Variants in NTNG1 observed in about 807,000 individuals in gnomAD.
NTNG1 encodes netrin G1.
NTNG1 carries 16 observed loss-of-function variants against 54.0 expected under a neutral mutation model. The ratio of observed to expected loss-of-function variants is 0.30; its 90% CI spans 0.20 to 0.45. The LOEUF (loss-of-function observed/expected upper bound fraction) is 0.45, where lower values mean the gene tolerates loss of function less well. Among genes scored for constraint, NTNG1 ranks in the 20% least tolerant of loss-of-function variants. The probability of loss-of-function intolerance (pLI) is 1.00; values close to 1 mark genes in which losing one functional copy is unlikely to be tolerated. For synonymous variants in NTNG1, 255 were observed against 263.1 expected, an observed-to-expected ratio of 0.97 and a Z score of 0.30; for missense variants, 530 against 678.7, an observed-to-expected ratio of 0.78 and a Z score of 2.43.
At chr1:107,409,441 C>T (rs1481664725) in intron 5 of NTNG1, 1 of 152,144 alleles carries the variant, frequency 6.6e-6, no homozygotes. Flanking sequence ...GCTCACTCGA[C>T]ATCCCATTCG....
intron 2 of NTNG1, among the ~76,000 whole-genome samples, chr1:107,180,906 A>T (rs1387306536): frequency 6.6e-6 from 1 of 152,172 alleles, no homozygotes; most frequent in African/African-American, 2.4e-5. Flanking sequence ...TATAGCAGGG[A>T]ATTTACAACA....
chr1:107,239,962 G>A (rs1294863875), intron 2 of NTNG1, among the ~76,000 whole-genome samples: 1 of 152,138 alleles, frequency 6.6e-6, no homozygotes, highest in Admixed American at 6.5e-5. Flanking sequence ...CAGATCATCA[G>A]TTACACTAGT....
At chr1:107,343,994 T>C (rs1669073779) in intron 3 of NTNG1, among the ~76,000 whole-genome samples, 1 of 152,000 alleles carries the variant, frequency 6.6e-6, no homozygotes, top group Admixed American at 6.6e-5. Context: ...AATACTGAAT[T>C]GGATTCCAAC....
intron 3 of NTNG1, among the ~76,000 whole-genome samples, chr1:107,392,498 G>T (rs1308850261): frequency 1.3e-5 from 2 of 152,072 alleles, no homozygotes; most frequent in Non-Finnish European, 2.9e-5. Context: ...CTGAAAACGA[G>T]CTTGGGTATC....
Position 107,428,559 on chromosome 1 carries a change from TAA to T in NTNG1, c.1088-2190_1088-2189del, listed in dbSNP as rs1292283962. Among the ~76,000 whole-genome samples the T allele has an allele frequency of 3.3e-5, 5 of 152,132 alleles. No individual in the cohort carries two copies. In the East Asian group the frequency reaches 7.8e-4, roughly 24 times the overall value. ...AGGGAACATGAAGAAGAACAGCCAA[TAA>T]GAGACCTCTTCCAGAGGAGGCGACC... On this transcript the variant is annotated intron_variant, in intron 5 of 7. Transcript: ENST00000370068.
At chr1:107,415,062 C>CATACTACA (rs1674106626) in intron 5 of NTNG1, among the ~76,000 whole-genome samples, 1 of 152,010 alleles carries the variant, frequency 6.6e-6, no homozygotes, top group Admixed American at 6.6e-5. Context: ...TTTTGGTCTC[C>CATACTACA]ATACTACATA....
Position 107,190,994 on chromosome 1 carries a change from G to A in NTNG1, c.246+42155G>A, listed in dbSNP as rs1434427064. On this transcript the variant is annotated intron_variant, in intron 2 of 7. Transcript: ENST00000370068. ...ATTTCTAGTTCTAGATCCCTGAGGA[G>A]TCACCACACTGACTTCCACAATGGT... Among the ~76,000 whole-genome samples, 5 of 151,970 alleles carry A rather than the reference G, an allele frequency of 3.3e-5. No individual in the cohort carries two copies. In the South Asian group the frequency reaches 1.0e-3, roughly 32 times the overall value.
At chr1:107,285,859 G>C (rs1665160364) in intron 2 of NTNG1, among the ~76,000 whole-genome samples, 1 of 152,068 alleles carries the variant, frequency 6.6e-6, no homozygotes, top group African/African-American at 2.4e-5. Context: ...GGGGAAAAGA[G>C]CCTTCATTTG....
intron 2 of NTNG1, among the ~76,000 whole-genome samples, chr1:107,283,118 C>T (rs967587649): frequency 5.9e-5 from 9 of 152,106 alleles, no homozygotes; most frequent in South Asian, 4.1e-4. Context: ...GGGACACAAA[C>T]TTTCAGACCC....
chr1:107,260,319 T>C (rs945363596), intron 2 of NTNG1, among the ~76,000 whole-genome samples: 4 of 152,186 alleles, frequency 2.6e-5, no homozygotes, highest in Non-Finnish European at 4.4e-5. Flanking sequence ...ATGATCCTCT[T>C]CTCGCTGGCT....
rs145496970 is a variant in NTNG1, at chr1:107,465,899, G to A, written c.1391-14712G>A. ...ATTCAATTAGATAACAGATGTAAAT[G>A]TTTCTGGCCTTTTAATTATAACGTG... On this transcript the variant is annotated intron_variant, in intron 7 of 7. Coordinates refer to ENST00000370068, the MANE Select transcript of NTNG1 (RefSeq NM_001113226.3). Among the ~76,000 whole-genome samples, 21 of 152,298 alleles carry A rather than the reference G, an allele frequency of 1.4e-4. 1 individual carries two copies. The highest frequency in any genetic ancestry group is 3.4e-4 in the African/African-American group (14 of 41,570).
intron 6 of NTNG1, among the ~76,000 whole-genome samples, chr1:107,431,456 T>C (rs1675260773): frequency 6.6e-6 from 1 of 152,132 alleles, no homozygotes; most frequent in Non-Finnish European, 1.5e-5. Context: ...GCAATGAAAT[T>C]CCATTTATTG....
At chr1:107,444,792 G>T (rs1468848127) in intron 7 of NTNG1, among the ~76,000 whole-genome samples, 1 of 152,094 alleles carries the variant, frequency 6.6e-6, no homozygotes, top group Non-Finnish European at 1.5e-5. Flanking sequence ...TCTGCTAGCA[G>T]CCGAGAATCA....
chr1:107,457,994 A>G (rs1016986727), intron 7 of NTNG1, among the ~76,000 whole-genome samples: 1 of 152,146 alleles, frequency 6.6e-6, no homozygotes. Flanking sequence ...TTAGAGAAAA[A>G]GGCTGTTTCC....
intron 4 of NTNG1, among the ~76,000 whole-genome samples, chr1:107,397,806 A>G (rs965528279): frequency 2.0e-5 from 3 of 151,466 alleles, no homozygotes; most frequent in African/African-American, 7.3e-5. Context: ...CAGATTAACC[A>G]TTATCGACTC....
Position 107,430,832 on chromosome 1 carries a change from C to G in NTNG1, c.1170C>G (p.Asn390Lys). ...NTVICVSCKH[N>K]TRGQHCELCR... Reference sequence around the variant, plus strand: ...TCATTTGCGTGAGCTGTAAACACAACACTAGAGGGCAGCACTGTGAGTTAT... The same window carrying G: ...TCATTTGCGTGAGCTGTAAACACAAGACTAGAGGGCAGCACTGTGAGTTAT... The change falls in exon 6 of 8, where the codon AAC becomes AAG. Residue 390 changes from asparagine to lysine, a missense_variant. By Grantham distance (94) the Asn-to-Lys change is moderately conservative (BLOSUM62 0). Transcript: ENST00000370068. 1 of 1,613,276 alleles carries G rather than the reference C, an allele frequency of 6.2e-7. No individual in the cohort carries two copies.
intron 2 of NTNG1, among the ~76,000 whole-genome samples, chr1:107,288,176 G>C (rs1665324857): frequency 1.3e-5 from 2 of 152,078 alleles, no homozygotes; most frequent in Admixed American, 1.3e-4. Context: ...CAACAGGGTG[G>C]GATAACTGAT....
intron 2 of NTNG1, among the ~76,000 whole-genome samples, chr1:107,174,277 C>T (rs1311538991): frequency 2.0e-5 from 3 of 152,008 alleles, no homozygotes. Flanking sequence ...ATAAAAAGCA[C>T]AGTTACTTGC....
chr1:107,226,638 G>T (rs1660707807), intron 2 of NTNG1, among the ~76,000 whole-genome samples: 1 of 152,000 alleles, frequency 6.6e-6, no homozygotes, highest in Non-Finnish European at 1.5e-5. Context: ...GAAATTCAGT[G>T]GTGGAATACC....
Sources: gnomAD v4.1 joint callset for allele counts (sites outside exome capture counted in the v4.1 genomes callset) on GRCh38, gnomAD v4.1.1 for gene constraint, MANE v1.5 for transcripts, NCBI Gene and HGNC (gene_info 2026-07-23, HGNC 2026-07-21) for gene names.